The following CACNB2 variants were observed in gnomAD, a reference collection of about 807,000 sequenced individuals.
CACNB2 encodes the protein calcium voltage-gated channel auxiliary subunit beta 2, also known as voltage-dependent L-type calcium channel subunit beta-2.
A neutral mutation model predicts 73.3 loss-of-function variants in CACNB2; 42 were observed. That is an observed-to-expected ratio of 0.57 (90% CI 0.45 to 0.74). The LOEUF is 0.74. Among genes scored for constraint, CACNB2 ranks in the 30% least tolerant of loss-of-function variants. The pLI is 0.00. For missense variants in CACNB2, 940 were observed against 853.0 expected (o/e 1.10, Z -1.27); for synonymous variants, 348 against 310.3 (o/e 1.12, Z -1.28).
intron 2 of CACNB2, among the ~76,000 whole-genome samples, chr10:18,326,244 A>G (rs1360538683): frequency 1.3e-5 from 2 of 152,248 alleles, no homozygotes; most frequent in Non-Finnish European, 2.9e-5. Flanking sequence ...AAACATGCAA[A>G]TATTACCTTG....
chr10:18,218,523 C>T (rs1322335844), intron 2 of CACNB2, among the ~76,000 whole-genome samples: 2 of 152,104 alleles, frequency 1.3e-5, no homozygotes, highest in Non-Finnish European at 2.9e-5. Flanking sequence ...ATTCAATTAG[C>T]TGTGTGTGTG....
At chr10:18,440,106 A>T (rs1358807623) in intron 3 of CACNB2, among the ~76,000 whole-genome samples, 2 of 152,190 alleles carry the variant, frequency 1.3e-5, no homozygotes, top group African/African-American at 4.8e-5. Context: ...TCTCTGCTTC[A>T]CATGTGGCCT....
chr10:18,145,114 A>AGGTCCCAGCT (rs2030829433), intron 1 of CACNB2, among the ~76,000 whole-genome samples: 1 of 152,214 alleles, frequency 6.6e-6, no homozygotes, highest in Non-Finnish European at 1.5e-5. Flanking sequence ...TCCTAGCAAC[A>AGGTCCCAGCT]GGTCCCAGCT....
At chr10:18,354,510 G>A (rs932207827) in intron 2 of CACNB2, among the ~76,000 whole-genome samples, 1 of 152,152 alleles carries the variant, frequency 6.6e-6, no homozygotes, top group African/African-American at 2.4e-5. Flanking sequence ...CAGATGTCAT[G>A]GTGTGGTTGA....
At chr10:18,415,992 T>G (rs776740571) in intron 3 of CACNB2, among the ~76,000 whole-genome samples, 2 of 152,146 alleles carry the variant, frequency 1.3e-5, no homozygotes, top group Non-Finnish European at 2.9e-5. Flanking sequence ...AGGTATATAA[T>G]GCATAATGAT....
At chr10:18,186,399 A>G (rs1194102240) in intron 2 of CACNB2, among the ~76,000 whole-genome samples, 1 of 151,668 alleles carries the variant, frequency 6.6e-6, no homozygotes, top group Non-Finnish European at 1.5e-5. Flanking sequence ...AGCCTGGGCA[A>G]CAAGAGTGAA....
intron 3 of CACNB2, among the ~76,000 whole-genome samples, chr10:18,492,838 C>T (rs1466059779): frequency 6.6e-6 from 1 of 151,918 alleles, no homozygotes; most frequent in African/African-American, 2.4e-5. Context: ...GGAAGACCAC[C>T]CAGGAAATGA....
intron 12 of CACNB2, among the ~76,000 whole-genome samples, chr10:18,536,459 G>C (rs1159136591): frequency 6.6e-6 from 1 of 151,308 alleles, no homozygotes; most frequent in African/African-American, 2.4e-5. Flanking sequence ...ACGGGGTCTT[G>C]CTATGTTGCC....
intron 3 of CACNB2, among the ~76,000 whole-genome samples, chr10:18,458,153 G>A (rs2047379699): frequency 6.6e-6 from 1 of 152,124 alleles, no homozygotes; most frequent in African/African-American, 2.4e-5. Context: ...TTTAGACTAT[G>A]CAAACATTTA....
chr10:18,443,499 G>A (rs2046577925), intron 3 of CACNB2, among the ~76,000 whole-genome samples: 1 of 152,054 alleles, frequency 6.6e-6, no homozygotes, highest in South Asian at 2.1e-4. Context: ...TTTCCTGAGA[G>A]GCATAAGGGG....
chr10:18,464,061 G>C (rs921220458), intron 3 of CACNB2, among the ~76,000 whole-genome samples: 1 of 152,022 alleles, frequency 6.6e-6, no homozygotes, highest in East Asian at 1.9e-4. Flanking sequence ...TACCCAAGCT[G>C]TCAGCGGCCT....
chr10:18,425,201 C>A (rs1327933289), intron 3 of CACNB2, among the ~76,000 whole-genome samples: 3 of 152,116 alleles, frequency 2.0e-5, no homozygotes, highest in Non-Finnish European at 4.4e-5. Context: ...TATAAACGTA[C>A]AAGAGGACTT....
chr10:18,391,534 G>C (rs1348284244), intron 2 of CACNB2, among the ~76,000 whole-genome samples: 1 of 152,098 alleles, frequency 6.6e-6, no homozygotes, highest in Non-Finnish European at 1.5e-5. Flanking sequence ...ATAGGAGTAA[G>C]TGAAACATTT....
intron 2 of CACNB2, among the ~76,000 whole-genome samples, chr10:18,385,248 A>T (rs747950106): frequency 1.3e-5 from 2 of 150,334 alleles, no homozygotes; most frequent in Non-Finnish European, 3.0e-5. Context: ...ATGCCACTGC[A>T]CTCCAGCCTG....
At chr10:18,369,413 C>A (rs1302473048) in intron 2 of CACNB2, among the ~76,000 whole-genome samples, 1 of 152,128 alleles carries the variant, frequency 6.6e-6, no homozygotes, top group African/African-American at 2.4e-5. Flanking sequence ...AATGCATTCA[C>A]ATCAGGATTT....
intron 2 of CACNB2, among the ~76,000 whole-genome samples, chr10:18,362,408 T>C (rs2042179066): frequency 6.6e-6 from 1 of 152,352 alleles, no homozygotes; most frequent in Non-Finnish European, 1.5e-5. Context: ...TTTGACTAGT[T>C]TTTTCTAATT....
chr10:18,518,551 C>A, intron 8 of CACNB2, 135 bp downstream of exon 8: 8 of 748,118 alleles, frequency 1.1e-5, no homozygotes, highest in East Asian at 1.0e-4. Context: ...CTCACAGCAG[C>A]AAAGCCTGTT....
At chr10:18,488,053 C>T (rs912123286) in intron 3 of CACNB2, among the ~76,000 whole-genome samples, 1 of 151,410 alleles carries the variant, frequency 6.6e-6, no homozygotes, top group Non-Finnish European at 1.5e-5. Flanking sequence ...AGGTGGTCCG[C>T]TTGCCTCGGC....
At chr10:18,536,725 G>C (rs1482604009) in intron 12 of CACNB2, among the ~76,000 whole-genome samples, 1 of 152,170 alleles carries the variant, frequency 6.6e-6, no homozygotes, top group Non-Finnish European at 1.5e-5. Context: ...CTTACCAAAA[G>C]CTTCCGTACA....
Sources: allele counts gnomAD v4.1 joint callset (sites outside exome capture counted in the v4.1 genomes callset), GRCh38; gene constraint gnomAD v4.1.1; transcripts MANE v1.5; gene names NCBI Gene and HGNC (gene_info 2026-07-23, HGNC 2026-07-21).